The following POMGNT2 variants were observed in gnomAD, a reference collection of about 807,000 sequenced individuals.
POMGNT2 encodes the protein protein O-linked mannose N-acetylglucosaminyltransferase 2 (beta 1,4-).
In POMGNT2, 32 loss-of-function variants were observed where a neutral mutation model predicts 37.8. The ratio of observed to expected loss-of-function variants is 0.85; its 90% CI spans 0.64 to 1.14. POMGNT2 has a LOEUF of 1.14. Among genes scored for constraint, POMGNT2 ranks in the 50% most tolerant of loss-of-function variants. The pLI, the probability that POMGNT2 is intolerant of heterozygous loss-of-function variation, is 0.00. For synonymous variants in POMGNT2, 340 were observed against 336.8 expected, an observed-to-expected ratio of 1.01 and a Z score of -0.10; for missense variants, 705 against 780.6, an observed-to-expected ratio of 0.90 and a Z score of 1.15.
At chr3:43,086,340 A>G (rs2089897962) in intron 1 of POMGNT2, among the ~76,000 whole-genome samples, 1 of 152,216 alleles carries the variant, frequency 6.6e-6, no homozygotes, top group South Asian at 2.1e-4. Flanking sequence ...TTGAGTCAGG[A>G]AGATGAGGAT....
At chr3:43,084,710 G>C (rs191856988) in intron 1 of POMGNT2, among the ~76,000 whole-genome samples, 2 of 150,972 alleles carry the variant, frequency 1.3e-5, no homozygotes, top group African/African-American at 2.4e-5. Flanking sequence ...ATTTTTTTCC[G>C]GTATTTTTTC....
chr3:43,088,070 C>T (rs886080223), intron 1 of POMGNT2: 1 of 152,188 alleles, frequency 6.6e-6, no homozygotes, highest in Admixed American at 6.5e-5. Flanking sequence ...TCAGGTTCAA[C>T]CTAACATGTG....
intron 1 of POMGNT2, among the ~76,000 whole-genome samples, chr3:43,086,347 G>A (rs562699901): frequency 6.6e-6 from 1 of 152,268 alleles, no homozygotes; most frequent in East Asian, 1.9e-4. Flanking sequence ...AGGAAGATGA[G>A]GATCACCATT....
chr3:43,101,341 G>A (rs556410928), intron 1 of POMGNT2, among the ~76,000 whole-genome samples: 1 of 152,326 alleles, frequency 6.6e-6, no homozygotes, highest in South Asian at 2.1e-4. Context: ...TTTGAGCATG[G>A]AGGAATCAGC....
chr3:43,094,047 G>T, intron 1 of POMGNT2, among the ~76,000 whole-genome samples: 1 of 152,132 alleles, frequency 6.6e-6, no homozygotes, highest in East Asian at 1.9e-4. Context: ...GAATTAGGTA[G>T]CCAAAGTGTG....
At chr3:43,095,328 C>T (rs886183737) in intron 1 of POMGNT2, among the ~76,000 whole-genome samples, 2 of 152,218 alleles carry the variant, frequency 1.3e-5, no homozygotes, top group African/African-American at 4.8e-5. Context: ...TGCGGGTGGG[C>T]ATGAAGGTCC....
intron 1 of POMGNT2, among the ~76,000 whole-genome samples, chr3:43,097,014 G>T (rs2089984409): frequency 6.6e-6 from 1 of 152,216 alleles, no homozygotes; most frequent in Non-Finnish European, 1.5e-5. Context: ...TAACAGCTGG[G>T]CAGGTGGGGT....
chr3:43,099,682 T>A (rs1204889443), intron 1 of POMGNT2, among the ~76,000 whole-genome samples: 2 of 151,948 alleles, frequency 1.3e-5, no homozygotes, highest in Non-Finnish European at 2.9e-5. Context: ...TGGGCTCAGG[T>A]GACTACTTGC....
At chr3:43,099,936 T>A (rs1359189833) in intron 1 of POMGNT2, among the ~76,000 whole-genome samples, 1 of 152,194 alleles carries the variant, frequency 6.6e-6, no homozygotes, top group East Asian at 1.9e-4. Flanking sequence ...TAATCTTTAT[T>A]TTATAGATGG....
In POMGNT2 at chr3:43,080,961, G is replaced by A. The variant is rs369607742; in HGVS notation, c.471C>T (p.Asn157=). 3.3e-5 allele frequency: 53 copies of A among 1,614,122 alleles called. No homozygotes were observed. The highest frequency in any genetic ancestry group is 4.1e-5 in the Non-Finnish European group (48 of 1,180,052). The change falls in exon 2 of 2, where the codon AAC becomes AAT. Residue 157 remains asparagine (N), a synonymous_variant. Coordinates refer to ENST00000344697, the MANE Select transcript of POMGNT2 (RefSeq NM_032806.6). ...VFVPDVALIA[N]RFNPDNLMHV... is the part of the protein sequence containing the mutation. ...GCATGAGGTTGTCGGGGTTGAAGCG[G>A]TTGGCGATGAGGGCCACGTCTGGCA...
At chr3:43,097,501 A>AG (rs2089988403) in intron 1 of POMGNT2, among the ~76,000 whole-genome samples, 1 of 151,640 alleles carries the variant, frequency 6.6e-6, no homozygotes, top group African/African-American at 2.4e-5. Context: ...CAGGTGAGCA[A>AG]GGGGGAAAGG....
rs926839478 is a variant in POMGNT2 at position 43,106,039 on chromosome 3, G to C, written c.-309C>G. 2.6e-5 allele frequency: 4 copies of C among 151,504 alleles called. No homozygotes were observed. The highest frequency in any genetic ancestry group is 5.9e-5 in the Non-Finnish European group (4 of 67,872). The allele number at this position is 151,504 out of a possible 1,614,324, so 9.4% of individuals were successfully genotyped here. ...ACCTCCAGGCTCGCAGGTGTCCGCC[G>C]TGCGCCTGCCCGGCGGGCGAGCCCG... On this transcript the variant is annotated 5_prime_UTR_variant, in exon 1 of 2. Transcript: ENST00000344697.
In POMGNT2 at chr3:43,079,802, G is replaced by C. The variant is rs2089829509; in HGVS notation, c.1630C>G (p.His544Asp). 5.6e-6 allele frequency: 9 copies of C among 1,614,198 alleles called. No individual in the cohort carries two copies. The highest frequency in any genetic ancestry group is 1.7e-5 in the Admixed American group (1 of 60,032). ...GGCTTGATGTTCTCAGTGAAGGTGT[G>C]GTTCTGCAGAGCCAGGATGTAAGGC... is the stretch of plus-strand genomic sequence containing the variant. ...YVPYILALQNHTFTENIKPFT... is the reference protein window; with the variant it reads ...YVPYILALQNDTFTENIKPFT... The change falls in exon 2 of 2, where the codon CAC becomes GAC. Residue 544 changes from histidine to aspartate, a missense_variant. Physicochemically the swap from His to Asp is moderately conservative, Grantham distance 81 (BLOSUM62 -1). Coordinates refer to ENST00000344697, the MANE Select transcript of POMGNT2 (RefSeq NM_032806.6).
chr3:43,087,021 G>A (rs1028952529), intron 1 of POMGNT2, among the ~76,000 whole-genome samples: 10 of 152,180 alleles, frequency 6.6e-5, no homozygotes, highest in African/African-American at 2.4e-4. Context: ...AGAAACAGAA[G>A]GCCATGTGAA....
intron 1 of POMGNT2, among the ~76,000 whole-genome samples, chr3:43,104,828 G>A (rs1393578737): frequency 1.3e-5 from 2 of 152,146 alleles, no homozygotes; most frequent in African/African-American, 2.4e-5. Context: ...CATCCCCACT[G>A]CAACCCCGTG....
intron 1 of POMGNT2, among the ~76,000 whole-genome samples, chr3:43,103,492 A>G (rs1186744543): frequency 6.6e-6 from 1 of 152,164 alleles, no homozygotes; most frequent in Non-Finnish European, 1.5e-5. Flanking sequence ...AAGAGGCGAC[A>G]GGGCTTGCCT....
Position 43,079,376 on chromosome 3 carries a change from C to T in POMGNT2, c.*313G>A. ...CAGAAATCTGGATACCAGAAAAACT[C>T]AGTAGGAAACATCAGGATCACCTAG... is the stretch of plus-strand genomic sequence containing the variant. On this transcript the variant is annotated 3_prime_UTR_variant, in exon 2 of 2. Transcript: ENST00000344697. 3.0e-6 allele frequency: 1 copy of T among 335,134 alleles called. No homozygotes were observed. The highest frequency in any genetic ancestry group is 4.5e-5 in the Admixed American group (1 of 22,082). The allele number at this position is 335,134 out of a possible 1,614,324, so 20.8% of individuals were successfully genotyped here. A position where few individuals can be genotyped will look rare whatever the true frequency, so the allele number is the denominator to read the frequency against.
chr3:43,103,426 A>ACCCTCACCCAGCACTGCC (rs561367522), intron 1 of POMGNT2, among the ~76,000 whole-genome samples: 3 of 151,956 alleles, frequency 2.0e-5, no homozygotes, highest in African/African-American at 7.3e-5. Context: ...CCCAGCCTGC[A>ACCCTCACCCAGCACTGCC]CCCTCACCCA....
Position 43,081,057 on chromosome 3 carries a change from G to A in POMGNT2, c.375C>T (p.His125=). 6.2e-7 allele frequency: 1 copy of A among 1,614,254 alleles called. No homozygotes were observed. The highest frequency in any genetic ancestry group is 8.5e-7 in the Non-Finnish European group (1 of 1,180,052). The change falls in exon 2 of 2, where the codon CAC becomes CAT. Residue 125 remains histidine, a synonymous_variant. Transcript: ENST00000344697. ...ALLDLSTVED[H]NTQYFNFVEL... The stretch of plus-strand genomic sequence containing the variant: ...CCACGAAGTTGAAGTACTGAGTGTT[G>A]TGGTCCTCCACGGTGGATAGGTCGA...
Sources: gnomAD v4.1 joint callset for allele counts (sites outside exome capture counted in the v4.1 genomes callset) on GRCh38, gnomAD v4.1.1 for gene constraint, MANE v1.5 for transcripts, NCBI Gene and HGNC (gene_info 2026-07-23, HGNC 2026-07-21) for gene names.